Variants in DNPH1 observed in about 807,000 individuals in gnomAD.
DNPH1 encodes 5-hydroxymethyl-dUMP N-hydrolase.
DNPH1 carries 18 observed loss-of-function variants against 15.7 expected under a neutral mutation model. The observed-to-expected ratio is 1.15, with a 90% CI of 0.79 to 1.70. DNPH1 has a LOEUF of 1.70. Among genes scored for constraint, DNPH1 ranks in the 40% most tolerant of loss-of-function variants. The pLI, the probability that DNPH1 is intolerant of heterozygous loss-of-function variation, is 0.00. For synonymous variants in DNPH1, 114 were observed against 107.9 expected, an observed-to-expected ratio of 1.06 and a Z score of -0.35; for missense variants, 262 against 255.2, an observed-to-expected ratio of 1.03 and a Z score of -0.18.
rs943446552 is a variant in DNPH1, at chr6:43,229,377, C to G, written c.80G>C (p.Gly27Ala). 5 of 1,486,692 alleles carry G rather than the reference C, an allele frequency of 3.4e-6. No homozygotes were observed. In the African/African-American group the frequency reaches 5.8e-5, roughly 17 times the overall value. 92.1% of individuals were successfully genotyped at this position (1,486,692 alleles called of 1,614,324 possible). A position where few individuals can be genotyped will look rare whatever the true frequency, so the allele number is the denominator to read the frequency against. Residue 27 changes from glycine to alanine, a missense_variant, in exon 1 of 4, where the codon GGG becomes GCG. Coordinates refer to ENST00000230431, the MANE Select transcript of DNPH1 (RefSeq NM_006443.3). ...GTCCTCGCGTCCGCCGCGAATGCTC[C>G]CGCAGAAGTACAGGGCCGGGCGGCC... is the stretch of plus-strand genomic sequence containing the variant. ...EPGRPALYFC[G>A]SIRGGREDRT... is the part of the protein sequence containing the mutation.
chr6:43,227,174 T>C (rs906216804), intron 1 of DNPH1, among the ~76,000 whole-genome samples: 3 of 151,236 alleles, frequency 2.0e-5, no homozygotes, highest in African/African-American at 7.3e-5. Flanking sequence ...CCCAGCACTT[T>C]GGGAGGCCAA....
rs1199452373 is a variant in DNPH1, at chr6:43,226,286, T to G, written c.265+41A>C. Reference sequence around the variant, plus strand: ...TGGGATGTCCAGGGGAACCCAGCACTCCAGAGGAGTTAGGTGCTGGAAGGA... The same window carrying G: ...TGGGATGTCCAGGGGAACCCAGCACGCCAGAGGAGTTAGGTGCTGGAAGGA... On this transcript the variant is annotated intron_variant, in intron 2 of 3. Transcript: ENST00000230431. This position sits in a 1 kb window ranked among gnomAD's most constrained non-coding sequence, Gnocchi z 4.1. 2 of 1,607,632 alleles carry G rather than the reference T, an allele frequency of 1.2e-6. No individual in the cohort carries two copies. Among genetic ancestry groups the G allele is most frequent in the East Asian group, 2.2e-5 (1 of 44,852 alleles).
intron 3 of DNPH1, 60 bp downstream of exon 3, chr6:43,225,973 C>T: frequency 6.2e-7 from 1 of 1,612,984 alleles, no homozygotes; most frequent in Non-Finnish European, 8.5e-7. Flanking sequence ...CAGAGCCCAC[C>T]AGGGAAGGAG....
Position 43,226,588 on chromosome 6 carries a change from C to T in DNPH1, c.197-193G>A. 1.7e-6 allele frequency: 1 copy of T among 580,780 alleles called. No individual in the cohort carries two copies. Among genetic ancestry groups the T allele is most frequent in the Non-Finnish European group, 3.0e-6 (1 of 328,078 alleles). The allele number at this position is 580,780 out of a possible 1,614,324, so 36.0% of individuals were successfully genotyped here. The stretch of plus-strand genomic sequence containing the variant: ...ACAAAAAGAAAAATTCAACCCTATG[C>T]AAGGTGGGACATGTGATTAGGGCCG... On this transcript the variant is annotated intron_variant, in intron 1 of 3. Coordinates refer to ENST00000230431, the MANE Select transcript of DNPH1 (RefSeq NM_006443.3). The surrounding 1 kb of genome is among the most constrained non-coding windows in gnomAD (Gnocchi z 4.1).
chr6:43,225,695 T>C lies in DNPH1; in HGVS notation c.*38A>G, dbSNP rs376078474. On this transcript the variant is annotated 3_prime_UTR_variant, in exon 4 of 4. Transcript: ENST00000230431. Reference sequence around the variant, plus strand: ...AGAGGAAGGAATGGTACTAGAGCAGTGTCTGAGAATAGAAGAATTTAAGAA... The same window carrying C: ...AGAGGAAGGAATGGTACTAGAGCAGCGTCTGAGAATAGAAGAATTTAAGAA... 1.9e-6 allele frequency: 3 copies of C among 1,610,176 alleles called. No individual in the cohort carries two copies. Among genetic ancestry groups the C allele is most frequent in the East Asian group, 2.2e-5 (1 of 44,874 alleles).
Position 43,226,127 on chromosome 6 carries a change from C to G in DNPH1, c.282G>C (p.Val94=), listed in dbSNP as rs781000849. The G allele has an allele frequency of 1.2e-6, 2 of 1,613,312 alleles. No homozygotes were observed. Among genetic ancestry groups the G allele is most frequent in the South Asian group, 1.1e-5 (1 of 91,078 alleles). ...LQQADVVVAE[V]TQPSLGVGYE... is the part of the protein sequence containing the mutation. ...AGCCTACACCCAAGGATGGCTGTGT[C>G]ACTTCTGCCACGACCACTGGGAGGA... Residue 94 remains valine (V), a synonymous_variant, in exon 3 of 4, where the codon GTG becomes GTC. Coordinates refer to ENST00000230431, the MANE Select transcript of DNPH1 (RefSeq NM_006443.3). The surrounding 1 kb of genome is among the most constrained non-coding windows in gnomAD (Gnocchi z 4.1).
chr6:43,226,168 C>A lies in DNPH1; in HGVS notation c.266-25G>T, dbSNP rs1326777640. 6.2e-7 allele frequency: 1 copy of A among 1,612,218 alleles called. No individual in the cohort carries two copies. On this transcript the variant is annotated intron_variant, in intron 2 of 3. Transcript: ENST00000230431. The surrounding 1 kb of genome is among the most constrained non-coding windows in gnomAD (Gnocchi z 4.1). ...ACTGGGAGGAAAGATGAGAGGAAGC[C>A]TCAGCATTGGGGGCACTTGAGGTTC...
intron 1 of DNPH1, among the ~76,000 whole-genome samples, chr6:43,227,739 T>TA (rs940649008): frequency 6.6e-6 from 1 of 151,950 alleles, no homozygotes; most frequent in African/African-American, 2.4e-5. Flanking sequence ...GCATTCAAGA[T>TA]ACAATTTTCA....
In DNPH1 at chr6:43,226,253, G is replaced by T; in HGVS notation, c.265+74C>A. 6.2e-7 allele frequency: 1 copy of T among 1,600,368 alleles called. No homozygotes were observed. ...GGAACTCTGGGAGTCCCTTCTAGGT[G>T]TGGAGGCTGGGATGTCCAGGGGAAC... On this transcript the variant is annotated intron_variant, in intron 2 of 3. Coordinates refer to ENST00000230431, the MANE Select transcript of DNPH1 (RefSeq NM_006443.3). This position sits in a 1 kb window ranked among gnomAD's most constrained non-coding sequence, Gnocchi z 4.1.
Position 43,226,104 on chromosome 6 carries a change from C to A in DNPH1, c.305G>T (p.Gly102Val). The A allele has an allele frequency of 6.2e-7, 1 of 1,613,580 alleles. No individual in the cohort carries two copies. The highest frequency in any genetic ancestry group is 8.5e-7 in the Non-Finnish European group (1 of 1,180,010). The change falls in exon 3 of 4, where the codon GGC (glycine) becomes GTC (valine). Residue 102 changes from glycine to valine, a missense_variant. Transcript: ENST00000230431. The surrounding 1 kb of genome is among the most constrained non-coding windows in gnomAD (Gnocchi z 4.1). ...GGCCACGGCCCGGCCCAGCTCATAG[C>A]CTACACCCAAGGATGGCTGTGTCAC... The part of the protein sequence containing the change: ...AEVTQPSLGV[G>V]YELGRAVAFN...
Position 43,226,727 on chromosome 6 carries a change from T to C in DNPH1, c.197-332A>G. On this transcript the variant is annotated intron_variant, in intron 1 of 3. Coordinates refer to ENST00000230431, the MANE Select transcript of DNPH1 (RefSeq NM_006443.3). This position sits in a 1 kb window ranked among gnomAD's most constrained non-coding sequence, Gnocchi z 4.1. ...AGGCCCAGAAGGTAGGGATCTCGGG[T>C]CTTAGCTTGATTAAATGTTATCTTC... 2 of 337,068 alleles carry C rather than the reference T, an allele frequency of 5.9e-6. No homozygotes were observed. The highest frequency in any genetic ancestry group is 4.6e-5 in the Admixed American group (1 of 21,874). 20.9% of individuals were successfully genotyped at this position (337,068 alleles called of 1,614,324 possible).
chr6:43,227,072 A>C (rs1397235634), intron 1 of DNPH1, among the ~76,000 whole-genome samples: 1 of 150,594 alleles, frequency 6.6e-6, no homozygotes, highest in East Asian at 2.0e-4. Context: ...GCACCACTGC[A>C]CTCCAGCCTG....
intron 1 of DNPH1, among the ~76,000 whole-genome samples, chr6:43,228,450 CAACAA>C (rs1776775107): frequency 6.9e-6 from 1 of 145,402 alleles, no homozygotes; most frequent in Non-Finnish European, 1.5e-5. Context: ...GCCCTTGTAT[CAACAA>C]AACAAAAATG....
chr6:43,226,502 G>T lies in DNPH1; in HGVS notation c.197-107C>A. The T allele has an allele frequency of 1.0e-6, 1 of 968,162 alleles. No individual in the cohort carries two copies. The allele number at this position is 968,162 out of a possible 1,614,324, so 60.0% of individuals were successfully genotyped here. A position where few individuals can be genotyped will look rare whatever the true frequency, so the allele number is the denominator to read the frequency against. On this transcript the variant is annotated intron_variant, in intron 1 of 3. Coordinates refer to ENST00000230431, the MANE Select transcript of DNPH1 (RefSeq NM_006443.3). This position sits in a 1 kb window ranked among gnomAD's most constrained non-coding sequence, Gnocchi z 4.1. ...CCTGCTCAGGGAGGGTGGGAGCCTT[G>T]TGCCAGATGACCTGACCAAACATGA...
chr6:43,226,077 A>G lies in DNPH1; in HGVS notation c.332T>C (p.Phe111Ser), dbSNP rs1776728224. ...VGYELGRAVAFNKRILCLFRP... is the reference protein window; with the variant it reads ...VGYELGRAVASNKRILCLFRP... The stretch of plus-strand genomic sequence containing the variant: ...GAACAGGCACAGGATCCGCTTGTTA[A>G]AGGCCACGGCCCGGCCCAGCTCATA... The change falls in exon 3 of 4, where the codon TTT becomes TCT. Residue 111 changes from phenylalanine to serine, a missense_variant. Transcript: ENST00000230431. The surrounding 1 kb of genome is among the most constrained non-coding windows in gnomAD (Gnocchi z 4.1). 1 of 1,613,766 alleles carries G rather than the reference A, an allele frequency of 6.2e-7. No individual in the cohort carries two copies. Among genetic ancestry groups the G allele is most frequent in the Middle Eastern group, 1.6e-4 (1 of 6,062 alleles).
In DNPH1 at chr6:43,226,787, A is replaced by C. The variant is rs1268509403; in HGVS notation, c.197-392T>G. On this transcript the variant is annotated intron_variant, in intron 1 of 3. Coordinates refer to ENST00000230431, the MANE Select transcript of DNPH1 (RefSeq NM_006443.3). This position sits in a 1 kb window ranked among gnomAD's most constrained non-coding sequence, Gnocchi z 4.1. ...GAGGCTCAGCCCACCGCATCAGGGT[A>C]GGACCACTGGGGAGCTTGTTAGAAG... is the stretch of plus-strand genomic sequence containing the variant. 6.6e-6 allele frequency among the ~76,000 whole-genome samples: 1 copy of C among 152,194 alleles called. No individual in the cohort carries two copies. The highest frequency in any genetic ancestry group is 1.5e-5 in the Non-Finnish European group (1 of 68,026).
Position 43,225,747 on chromosome 6 carries a change from CAG to C in DNPH1, c.509_510del (p.Pro170ArgfsTer7), listed in dbSNP as rs1554183132. ...ADPPGQVAAS[P>X]DPTT is the part of the protein sequence containing the mutation. ...GTGAGATTAAGTCAAGTGGTTGGGT[CAG>C]GGGAGGCAGCCACCTGCCCTGGAGG... On this transcript the variant is annotated frameshift_variant, in exon 4 of 4. Transcript: ENST00000230431. LOFTEE classifies it high-confidence loss of function. 9 of 1,614,124 alleles carry C rather than the reference CAG, an allele frequency of 5.6e-6. No homozygotes were observed. The highest frequency in any genetic ancestry group is 7.6e-6 in the Non-Finnish European group (9 of 1,180,036).
At position 43,226,089 on chromosome 6, in the gene DNPH1, C is replaced by T. The variant is rs1018965769; in HGVS notation, c.320G>A (p.Arg107Gln). 21 of 1,613,522 alleles carry T rather than the reference C, an allele frequency of 1.3e-5. No homozygotes were observed. The highest frequency in any genetic ancestry group is 6.7e-5 in the East Asian group (3 of 44,894). ...GATCCGCTTGTTAAAGGCCACGGCC[C>T]GGCCCAGCTCATAGCCTACACCCAA... ...PSLGVGYELG[R>Q]AVAFNKRILC... Residue 107 changes from arginine (R) to glutamine (Q), a missense_variant, in exon 3 of 4, where the codon CGG (arginine) becomes CAG (glutamine). Physicochemically the swap from Arg to Gln is conservative, Grantham distance 43. Coordinates refer to ENST00000230431, the MANE Select transcript of DNPH1 (RefSeq NM_006443.3). This position sits in a 1 kb window ranked among gnomAD's most constrained non-coding sequence, Gnocchi z 4.1.
intron 1 of DNPH1, among the ~76,000 whole-genome samples, chr6:43,227,572 C>G (rs978089265): frequency 2.0e-5 from 3 of 152,106 alleles, no homozygotes; most frequent in African/African-American, 7.2e-5. Context: ...GGGTCCTCCA[C>G]TTGCACAGGC....
Sources: allele counts gnomAD v4.1 joint callset (sites outside exome capture counted in the v4.1 genomes callset), GRCh38; gene constraint gnomAD v4.1.1; non-coding constraint Gnocchi (gnomAD v3.1); transcripts MANE v1.5; gene names NCBI Gene and HGNC (gene_info 2026-07-23, HGNC 2026-07-21).